RBM19: variants seen among roughly 807,000 people sequenced by gnomAD.
RBM19 encodes the protein RNA binding motif protein 19.
RBM19 carries 94 observed loss-of-function variants against 116.8 expected under a neutral mutation model. That is an observed-to-expected ratio of 0.80 (90% CI 0.68 to 0.95). The LOEUF is 0.95. Among genes scored for constraint, RBM19 ranks in the 40% least tolerant of loss-of-function variants. The pLI is 0.00. For missense variants in RBM19, 1,161 were observed against 1,220.7 expected (o/e 0.95, Z 0.73); for synonymous variants, 475 against 494.1 (o/e 0.96, Z 0.51).
At chr12:113,915,580 G>A (rs1019277208) in intron 20 of RBM19, among the ~76,000 whole-genome samples, 2 of 152,154 alleles carry the variant, frequency 1.3e-5, no homozygotes, top group African/African-American at 4.8e-5. Context: ...TACCTGGCCT[G>A]TCTCCCTGCT....
intron 20 of RBM19, among the ~76,000 whole-genome samples, chr12:113,916,595 T>C (rs2135856471): frequency 6.6e-6 from 1 of 152,224 alleles, no homozygotes; most frequent in East Asian, 1.9e-4. Flanking sequence ...ATTCTAAGAC[T>C]AGGTTGTAGA....
chr12:113,950,653 C>A (rs1318867588), intron 8 of RBM19, among the ~76,000 whole-genome samples: 1 of 148,280 alleles, frequency 6.7e-6, no homozygotes, highest in Non-Finnish European at 1.5e-5. Context: ...GGGCCTCAAA[C>A]CTGTGAGGCA....
At chr12:113,818,384 T>A (rs1874196212), downstream of RBM19, among the ~76,000 whole-genome samples, 1 of 152,192 alleles carries the variant, frequency 6.6e-6, no homozygotes, top group Non-Finnish European at 1.5e-5. Flanking sequence ...GTTTGCCTAC[T>A]GGGGCCAGTG....
intron 23 of RBM19, among the ~76,000 whole-genome samples, chr12:113,834,720 A>G (rs376503734): frequency 5.9e-5 from 9 of 152,306 alleles, no homozygotes; most frequent in African/African-American, 2.2e-4. Flanking sequence ...TTTGGGATTT[A>G]GGAGGTGCTG....
intron 21 of RBM19, among the ~76,000 whole-genome samples, chr12:113,893,523 T>C (rs965915103): frequency 6.6e-6 from 1 of 152,202 alleles, no homozygotes; most frequent in Non-Finnish European, 1.5e-5. Flanking sequence ...GCGGATGTCT[T>C]TTCCTTCCAT....
chr12:113,939,831 C>T (rs1483526933), intron 15 of RBM19, 129 bp downstream of exon 15: 9 of 928,916 alleles, frequency 9.7e-6, no homozygotes, highest in East Asian at 7.5e-5. Flanking sequence ...CAGCCATGAT[C>T]GTGACGGGCG....
At position 113,915,007 on chromosome 12, in the gene RBM19, G is replaced by A. The variant is rs748301161; in HGVS notation, c.2520C>T (p.Pro840=). ...TTSKILVRNI[P]FQAHSREIRE... ...GGATCTCCCGGCTGTGGGCCTGGAA[G>A]GGGATGTTCCGCACCAGGATCTTGG... The change falls in exon 21 of 24, where the codon CCC becomes CCT. Residue 840 remains proline, a synonymous_variant. Coordinates refer to ENST00000261741, the MANE Select transcript of RBM19 (RefSeq NM_016196.4). The A allele has an allele frequency of 1.2e-5, 19 of 1,614,182 alleles. No individual in the cohort carries two copies. In the South Asian group the frequency reaches 2.0e-4, roughly 17 times the overall value.
chr12:113,826,638 A>T (rs1874882866), intron 23 of RBM19, among the ~76,000 whole-genome samples: 1 of 152,220 alleles, frequency 6.6e-6, no homozygotes, highest in South Asian at 2.1e-4. Context: ...GAGATGGAGA[A>T]AGAACCAGAT....
At chr12:113,818,011 T>A (rs527407446), downstream of RBM19, 1 of 151,994 alleles carries the variant, frequency 6.6e-6, no homozygotes, top group African/African-American at 2.4e-5. Context: ...GGTGGATCAC[T>A]TGAGGTCAGG....
intron 14 of RBM19, among the ~76,000 whole-genome samples, chr12:113,942,116 G>GT (rs1480489224): frequency 1.3e-5 from 2 of 152,206 alleles, no homozygotes; most frequent in African/African-American, 4.8e-5. Flanking sequence ...CAGACCTCTT[G>GT]TACATGGCTC....
At chr12:113,942,560 C>CAG (rs751945793) in intron 13 of RBM19, 126 bp from the exon 14 acceptor site, 6 of 696,956 alleles carry the variant, frequency 8.6e-6, no homozygotes, top group African/African-American at 1.8e-5. Context: ...CGCTCACCTT[C>CAG]CTACATTGAT....
intron 13 of RBM19, among the ~76,000 whole-genome samples, chr12:113,943,553 C>T (rs1380550912): frequency 6.6e-6 from 1 of 152,168 alleles, no homozygotes; most frequent in African/African-American, 2.4e-5. Context: ...AGCCCAGTGG[C>T]TCACGCCCAT....
intron 23 of RBM19, among the ~76,000 whole-genome samples, chr12:113,844,286 A>T (rs778162899): frequency 6.6e-6 from 1 of 152,174 alleles, no homozygotes; most frequent in Non-Finnish European, 1.5e-5. Flanking sequence ...TGCCCTGCGG[A>T]CACCGGAATC....
intron 21 of RBM19, among the ~76,000 whole-genome samples, chr12:113,866,302 C>T (rs1878805150): frequency 6.6e-6 from 1 of 152,040 alleles, no homozygotes; most frequent in Non-Finnish European, 1.5e-5. Context: ...GCCTAGATTC[C>T]AAGAAAGTGA....
chr12:113,953,407 G>A (rs968017027), intron 7 of RBM19, among the ~76,000 whole-genome samples: 2 of 152,206 alleles, frequency 1.3e-5, no homozygotes, highest in African/African-American at 4.8e-5. Flanking sequence ...AGAATCACTT[G>A]AACCCGGGAG....
chr12:113,886,638 C>G (rs1305372356), intron 21 of RBM19, among the ~76,000 whole-genome samples: 3 of 152,190 alleles, frequency 2.0e-5, no homozygotes, highest in Non-Finnish European at 4.4e-5. Context: ...TAGTTTGGAC[C>G]TAACAGGCAC....
At chr12:113,853,882 C>T (rs368637801) in intron 22 of RBM19, among the ~76,000 whole-genome samples, 8 of 152,118 alleles carry the variant, frequency 5.3e-5, no homozygotes, top group South Asian at 4.1e-4. Context: ...TCCCAAGAGA[C>T]GTTTTAAGGG....
At chr12:113,831,691 A>G (rs1427748370) in intron 23 of RBM19, among the ~76,000 whole-genome samples, 1 of 152,206 alleles carries the variant, frequency 6.6e-6, no homozygotes, top group African/African-American at 2.4e-5. Flanking sequence ...ACAAGTCAAT[A>G]ACAATTTAGC....
intron 2 of RBM19, among the ~76,000 whole-genome samples, chr12:113,960,967 G>T (rs1872447258): frequency 6.6e-6 from 1 of 152,214 alleles, no homozygotes; most frequent in African/African-American, 2.4e-5. Context: ...CCCAGCCACA[G>T]TTAAGGCTGA....
Sources: allele counts gnomAD v4.1 joint callset (sites outside exome capture counted in the v4.1 genomes callset), GRCh38; gene constraint gnomAD v4.1.1; transcripts MANE v1.5; gene names NCBI Gene and HGNC (gene_info 2026-07-23, HGNC 2026-07-21).